NOTCH1: variants seen among roughly 807,000 people sequenced by gnomAD.
The protein encoded by NOTCH1 is neurogenic locus notch homolog protein 1.
Under a neutral mutation model 254.8 loss-of-function variants are expected in NOTCH1, and 37 were observed. The observed-to-expected ratio is 0.15, with a 90% CI of 0.11 to 0.19. The LOEUF is 0.19. Among genes scored for constraint, NOTCH1 ranks in the 10% least tolerant of loss-of-function variants. NOTCH1 has a pLI of 1.00. For missense variants in NOTCH1, 2,972 were observed against 3,708.6 expected (o/e 0.80, Z 5.16); for synonymous variants, 1,731 against 1,618.1 (o/e 1.07, Z -1.68).
Position 136,497,446 on chromosome 9 carries a change from C to T in NOTCH1, c.6293G>A (p.Arg2098His), listed in dbSNP as rs759998676. The change falls in exon 34 of 34, where the codon CGC becomes CAC. Residue 2098 changes from arginine to histidine, a missense_variant. Physicochemically the swap from Arg to His is conservative, Grantham distance 29 (BLOSUM62 0). Coordinates refer to ENST00000651671, the MANE Select transcript of NOTCH1 (RefSeq NM_017617.5). ...ATGCATGCGCTCCTGTGCGATGTCGCGCGGCAGGCGGTCCATATGATCCGT... is the reference window on the plus strand; with the variant it reads ...ATGCATGCGCTCCTGTGCGATGTCGTGCGGCAGGCGGTCCATATGATCCGT... ...DITDHMDRLPRDIAQERMHHD... is the reference protein window; with the variant it reads ...DITDHMDRLPHDIAQERMHHD... 5.0e-6 allele frequency: 8 copies of T among 1,612,246 alleles called. No homozygotes were observed. Among genetic ancestry groups the T allele is most frequent in the Admixed American group, 3.3e-5 (2 of 59,996 alleles).
intron 21 of NOTCH1, 33 bp from the exon 22 acceptor site, chr9:136,507,470 C>T: frequency 6.3e-7 from 1 of 1,576,408 alleles, no homozygotes; most frequent in Non-Finnish European, 8.6e-7. Context: ...GGCCCTTCGG[C>T]TCAGCCGGCG....
In NOTCH1 at chr9:136,496,980, G is replaced by A. The variant is rs770738954; in HGVS notation, c.6759C>T (p.Pro2253=). 1.9e-5 allele frequency: 30 copies of A among 1,610,382 alleles called. No homozygotes were observed. The highest frequency in any genetic ancestry group is 2.3e-5 in the Non-Finnish European group (27 of 1,179,068). Residue 2253 remains proline (P), a synonymous_variant, in exon 34 of 34, where the codon CCC becomes CCT. Coordinates refer to ENST00000651671, the MANE Select transcript of NOTCH1 (RefSeq NM_017617.5). ...CGCCCCCACCCAGCGCCGCCATCTC[G>A]GGCTTGGCCGCCACGTTCAGGTGCC... The part of the protein sequence containing the change: ...GIGHLNVAAK[P]EMAALGGGGR...
intron 30 of NOTCH1, among the ~76,000 whole-genome samples, chr9:136,501,376 G>A (rs1842992184): frequency 1.3e-5 from 2 of 151,784 alleles, no homozygotes; most frequent in Non-Finnish European, 2.9e-5. Flanking sequence ...GGAGGTTGCA[G>A]GGAGCCGAGA....
At chr9:136,537,076 G>T (rs1014577432) in intron 2 of NOTCH1, among the ~76,000 whole-genome samples, 16 of 152,334 alleles carry the variant, frequency 1.1e-4, no homozygotes, top group African/African-American at 3.8e-4. Context: ...CATCCTACAG[G>T]TTCACCTGGG....
chr9:136,522,126 T>A (rs1041955717), intron 4 of NOTCH1, among the ~76,000 whole-genome samples: 1 of 151,962 alleles, frequency 6.6e-6, no homozygotes, highest in African/African-American at 2.4e-5. Context: ...TACAGGCGCG[T>A]GCCACCATGC....
chr9:136,538,945 G>C (rs1418113417), intron 2 of NOTCH1, among the ~76,000 whole-genome samples: 1 of 152,238 alleles, frequency 6.6e-6, no homozygotes, highest in African/African-American at 2.4e-5. Flanking sequence ...CCTCCCCACA[G>C]CAAAAGGGTG....
intron 9 of NOTCH1, 113 bp downstream of exon 9, chr9:136,517,159 A>T: frequency 1.5e-6 from 1 of 665,150 alleles, no homozygotes; most frequent in Non-Finnish European, 2.6e-6. Context: ...CTCACCCCTC[A>T]GGAGGCCGGG....
chr9:136,529,003 A>AG (rs932145253), intron 2 of NOTCH1, among the ~76,000 whole-genome samples: 1 of 152,086 alleles, frequency 6.6e-6, no homozygotes, highest in African/African-American at 2.4e-5. Flanking sequence ...TTCTGCCCAG[A>AG]GGGGAGTCTA....
In NOTCH1 at chr9:136,544,181, G is replaced by T; in HGVS notation, c.62-79C>A. ...AGGCCCTGGTTACCCTGGGGGCGGG[G>T]ACCTGCACCCAGCCAAGGGGCATCG... On this transcript the variant is annotated intron_variant, in intron 1 of 33. Coordinates refer to ENST00000651671, the MANE Select transcript of NOTCH1 (RefSeq NM_017617.5). 4.5e-6 allele frequency: 6 copies of T among 1,321,150 alleles called. No homozygotes were observed. In the South Asian group the frequency reaches 5.0e-5, roughly 11 times the overall value. 81.8% of individuals were successfully genotyped at this position (1,321,150 alleles called of 1,614,324 possible). A position where few individuals can be genotyped will look rare whatever the true frequency, so the allele number is the denominator to read the frequency against.
chr9:136,497,474 T>C lies in NOTCH1; in HGVS notation c.6265A>G (p.Ile2089Val), dbSNP rs749262096. The C allele has an allele frequency of 6.2e-6, 10 of 1,612,256 alleles. No homozygotes were observed. In the Admixed American group the frequency reaches 8.3e-5, roughly 13 times the overall value. ...VLLDHFANRD[I>V]TDHMDRLPRD... ...GGCAGGCGGTCCATATGATCCGTGATGTCCCGGTTGGCAAAGTGGTCCAGC... is the reference window on the plus strand; with the variant it reads ...GGCAGGCGGTCCATATGATCCGTGACGTCCCGGTTGGCAAAGTGGTCCAGC... Residue 2089 changes from isoleucine (I) to valine (V), a missense_variant, in exon 34 of 34, where the codon ATC (isoleucine) becomes GTC (valine). Coordinates refer to ENST00000651671, the MANE Select transcript of NOTCH1 (RefSeq NM_017617.5).
chr9:136,509,317 C>T (rs1038512996), intron 18 of NOTCH1, among the ~76,000 whole-genome samples: 5 of 152,136 alleles, frequency 3.3e-5, no homozygotes, highest in Admixed American at 1.3e-4. Flanking sequence ...TTACCAAACG[C>T]GTGGGCATAG....
Position 136,497,536 on chromosome 9 carries a change from G to C in NOTCH1, c.6203C>G (p.Ala2068Gly). 6.2e-7 allele frequency: 1 copy of C among 1,605,334 alleles called. No individual in the cohort carries two copies. Among genetic ancestry groups the C allele is most frequent in the Non-Finnish European group, 8.5e-7 (1 of 1,176,450 alleles). Residue 2068 changes from alanine to glycine, a missense_variant, in exon 34 of 34, where the codon GCC becomes GGC. Physicochemically the swap from Ala to Gly is moderately conservative, Grantham distance 60 (BLOSUM62 0). Around this residue, in one of 8 missense-constraint regions of NOTCH1, gnomAD observed 421 missense variants for 604.4 expected, o/e 0.70. Transcript: ENST00000651671. ...GGTCTCGTAGCTGCCCTCCCGGGCG[G>C]CCAGAAACAGGGGTGTCTCCTCCTG... ...NNREETPLFLAAREGSYETAK... is the reference protein window; with the variant it reads ...NNREETPLFLGAREGSYETAK...
In NOTCH1 at chr9:136,509,834, G is replaced by T. The variant is rs760227470; in HGVS notation, c.2868C>A (p.Asn956Lys). Residue 956 changes from asparagine (N) to lysine (K), a missense_variant, in exon 18 of 34, where the codon AAC (asparagine) becomes AAA (lysine). Asn to Lys is a moderately conservative substitution (Grantham distance 94, BLOSUM62 0). Transcript: ENST00000651671. ...CCACGCAGTCCGTGCAGTTGGCCCC[G>T]TTGCGGCAGGGGTCACTGGCACACT... ...INECASDPCR[N>K]GANCTDCVDS... 5 of 1,613,226 alleles carry T rather than the reference G, an allele frequency of 3.1e-6. No individual in the cohort carries two copies. The highest frequency in any genetic ancestry group is 4.2e-6 in the Non-Finnish European group (5 of 1,180,036).
chr9:136,532,769 C>T (rs1193214605), intron 2 of NOTCH1, among the ~76,000 whole-genome samples: 10 of 152,340 alleles, frequency 6.6e-5, no homozygotes, highest in East Asian at 5.8e-4. Context: ...GGTGGCGGCC[C>T]GGGGTCGCAC....
chr9:136,497,162 T>C lies in NOTCH1; in HGVS notation c.6577A>G (p.Ser2193Gly), dbSNP rs1060502236. ...SQDGKGCLLD[S>G]SGMLSPVDSL... Reference sequence around the variant, plus strand: ...TCCACGGGCGAGAGCATGCCGGAGCTGTCCAGCAGGCAGCCCTTGCCGTCC... The same window carrying C: ...TCCACGGGCGAGAGCATGCCGGAGCCGTCCAGCAGGCAGCCCTTGCCGTCC... Residue 2193 changes from serine to glycine, a missense_variant, in exon 34 of 34, where the codon AGC (serine) becomes GGC (glycine). Around this residue, in one of 8 missense-constraint regions of NOTCH1, gnomAD observed 529 missense variants for 529.2 expected, o/e 1.00. Coordinates refer to ENST00000651671, the MANE Select transcript of NOTCH1 (RefSeq NM_017617.5). The C allele has an allele frequency of 1.1e-5, 17 of 1,612,670 alleles. No homozygotes were observed. Among genetic ancestry groups the C allele is most frequent in the Non-Finnish European group, 1.4e-5 (16 of 1,179,954 alleles).
Position 136,505,804 on chromosome 9 carries a change from G to A in NOTCH1, c.4092C>T (p.Ile1364=), listed in dbSNP as rs1475239334. The part of the protein sequence containing the change: ...SLRCLNGGTC[I]SGPRSPTCLC... ...GGCAGGTGGGGCTGCGCGGGCCGGAGATGCATGTGCCGCCGTTGAGGCAGC... is the reference window on the plus strand; with the variant it reads ...GGCAGGTGGGGCTGCGCGGGCCGGAAATGCATGTGCCGCCGTTGAGGCAGC... Residue 1364 remains isoleucine (I), a synonymous_variant, in exon 25 of 34, where the codon ATC becomes ATT. Coordinates refer to ENST00000651671, the MANE Select transcript of NOTCH1 (RefSeq NM_017617.5). 6.3e-7 allele frequency: 1 copy of A among 1,588,548 alleles called. No homozygotes were observed. Among genetic ancestry groups the A allele is most frequent in the African/African-American group, 1.3e-5 (1 of 74,656 alleles).
chr9:136,497,025 G>C lies in NOTCH1; in HGVS notation c.6714C>G (p.Pro2238=). The C allele has an allele frequency of 6.2e-7, 1 of 1,609,436 alleles. No homozygotes were observed. Among genetic ancestry groups the C allele is most frequent in the Non-Finnish European group, 8.5e-7 (1 of 1,178,284 alleles). The change falls in exon 34 of 34, where the codon CCC becomes CCG. Residue 2238 remains proline, a synonymous_variant. Transcript: ENST00000651671. ...GGTGCCCGATGCCCAGGTGGGTGTC[G>C]GGCATCCCAGGCAGGTGGTTGAGGG... ...SVPLNHLPGM[P]DTHLGIGHLN...
rs1042030863 is a variant in NOTCH1 at position 136,505,727 on chromosome 9, G to T, written c.4169C>A (p.Pro1390His). ...GTAGCAGGGGTTGCCGCCCAGGCAG[G>T]GGCTGCTGGCCGGGAACTGGCATTC... ...GPECQFPASSPCLGGNPCYNQ... is the reference protein window; with the variant it reads ...GPECQFPASSHCLGGNPCYNQ... Residue 1390 changes from proline to histidine, a missense_variant, in exon 25 of 34, where the codon CCC (proline) becomes CAC (histidine). Coordinates refer to ENST00000651671, the MANE Select transcript of NOTCH1 (RefSeq NM_017617.5). 1.3e-6 allele frequency: 2 copies of T among 1,595,872 alleles called. No homozygotes were observed. Among genetic ancestry groups the T allele is most frequent in the Non-Finnish European group, 1.7e-6 (2 of 1,169,246 alleles).
intron 18 of NOTCH1, among the ~76,000 whole-genome samples, chr9:136,509,389 G>A (rs183897079): frequency 4.5e-4 from 68 of 152,314 alleles, no homozygotes; most frequent in African/African-American, 1.5e-3. Context: ...AGGTAATTAC[G>A]TCAGAAACCA....
Sources: allele counts gnomAD v4.1 joint callset (sites outside exome capture counted in the v4.1 genomes callset), GRCh38; gene constraint gnomAD v4.1.1; regional missense constraint gnomAD v4.1.1; transcripts MANE v1.5; gene names NCBI Gene and HGNC (gene_info 2026-07-23, HGNC 2026-07-21).